TBC1D7: variants seen among roughly 807,000 people sequenced by gnomAD.
TBC1D7 encodes the protein TBC domain family 7.
TBC1D7 carries 33 observed loss-of-function variants against 35.3 expected under a neutral mutation model. The ratio of observed to expected loss-of-function variants is 0.93; its 90% CI spans 0.71 to 1.25. The LOEUF (loss-of-function observed/expected upper bound fraction) is 1.25, where lower values mean the gene tolerates loss of function less well. Among genes scored for constraint, TBC1D7 ranks in the 50% most tolerant of loss-of-function variants. The pLI is 0.00. For missense variants in TBC1D7, 362 were observed against 365.3 expected, an observed-to-expected ratio of 0.99 and a Z score of 0.07; for synonymous variants, 135 against 129.5, an observed-to-expected ratio of 1.04 and a Z score of -0.29.
chr6:13,325,125 C>T lies in TBC1D7; in HGVS notation c.162G>A (p.Met54Ile). The T allele has an allele frequency of 6.2e-7, 1 of 1,613,776 alleles. No individual in the cohort carries two copies. Among genetic ancestry groups the T allele is most frequent in the East Asian group, 2.2e-5 (1 of 44,870 alleles). ...TFSQRFPLPSMYRALVWKVLL... is the reference protein window; with the variant it reads ...TFSQRFPLPSIYRALVWKVLL... The stretch of plus-strand genomic sequence containing the variant: ...GCACCTTCCATACCAATGCACGGTA[C>T]ATGGACGGGAGAGGGAACCTCTGAC... Residue 54 changes from methionine to isoleucine, a missense_variant, in exon 3 of 8, where the codon ATG becomes ATA. By Grantham distance (10) the Met-to-Ile change is conservative. Transcript: ENST00000379300.
intron 3 of TBC1D7, among the ~76,000 whole-genome samples, chr6:13,322,200 G>A (rs931231513): frequency 7.9e-5 from 12 of 152,004 alleles, no homozygotes; most frequent in African/African-American, 2.9e-4. Context: ...GCCATAGTGA[G>A]CTGTGATCGT....
At chr6:13,307,405 AG>A (rs1782883607) in intron 6 of TBC1D7, 194 bp downstream of exon 6, 3 of 567,296 alleles carry the variant, frequency 5.3e-6, no homozygotes, top group Non-Finnish European at 9.3e-6. Flanking sequence ...TAACGCACTG[AG>A]GGCCCTTAAT....
In TBC1D7 at chr6:13,321,184, C is replaced by T. The variant is rs975797067; in HGVS notation, c.194-89G>A. On this transcript the variant is annotated intron_variant, in intron 3 of 7. Coordinates refer to ENST00000379300, the MANE Select transcript of TBC1D7 (RefSeq NM_016495.6). ...CTATGAAAGAGGATGCCGTGAGAAGCGACCCACACAATTAGGCTAGAATTC... is the reference window on the plus strand; with the variant it reads ...CTATGAAAGAGGATGCCGTGAGAAGTGACCCACACAATTAGGCTAGAATTC... 62 of 1,107,830 alleles carry T rather than the reference C, an allele frequency of 5.6e-5. No individual in the cohort carries two copies. The Admixed American group carries it at 1.3e-3, about 23-fold the overall frequency. 68.6% of individuals were successfully genotyped at this position (1,107,830 alleles called of 1,614,324 possible). A position where few individuals can be genotyped will look rare whatever the true frequency, so the allele number is the denominator to read the frequency against.
chr6:13,305,640 G>A (rs1229856217), intron 7 of TBC1D7: 1 of 166,966 alleles, frequency 6.0e-6, no homozygotes, highest in Admixed American at 5.7e-5. Flanking sequence ...TTTTTCAAAT[G>A]TTAATACTAT....
Position 13,321,082 on chromosome 6 carries a change from T to C in TBC1D7, c.207A>G (p.Pro69=). 1.2e-6 allele frequency: 2 copies of C among 1,612,664 alleles called. No homozygotes were observed. The highest frequency in any genetic ancestry group is 8.5e-7 in the Non-Finnish European group (1 of 1,179,078). Residue 69 remains proline (P), a synonymous_variant, in exon 4 of 8, where the codon CCA becomes CCG. Coordinates refer to ENST00000379300, the MANE Select transcript of TBC1D7 (RefSeq NM_016495.6). ...VWKVLLGILP[P]HHESHAKVMM... ...TCACCTTGGCATGGGACTCGTGGTGTGGAGGCAAGATTCCTAGAGAGAACA... is the reference window on the plus strand; with the variant it reads ...TCACCTTGGCATGGGACTCGTGGTGCGGAGGCAAGATTCCTAGAGAGAACA...
Position 13,305,150 on chromosome 6 carries a change from G to C in TBC1D7, c.833C>G (p.Ala278Gly), listed in dbSNP as rs150455776. 148 of 1,614,102 alleles carry C rather than the reference G, an allele frequency of 9.2e-5. 1 individual carries two copies. The East Asian group carries it at 3.0e-3, about 33-fold the overall frequency. The change falls in exon 8 of 8, where the codon GCC becomes GGC. Residue 278 changes from alanine to glycine, a missense_variant. Transcript: ENST00000379300. ...ACAGTGTTTGTGCCACAAGTCAATG[G>C]CCTTGCTCACGATCGCGTCTGAGCT... ...QDSSDAIVSK[A>G]IDLWHKHCGT...
chr6:13,312,789 CA>C (rs34194566), intron 5 of TBC1D7, among the ~76,000 whole-genome samples: 31,151 of 121,926 alleles, frequency 0.26, 4,223 homozygotes, highest in African/African-American at 0.42. Flanking sequence ...CACAAAAAAG[CA>C]AAAAAAAAAA....
Position 13,305,176 on chromosome 6 carries a change from G to C in TBC1D7, c.807C>G (p.Asp269Glu), listed in dbSNP as rs545035707. Residue 269 changes from aspartate (D) to glutamate (E), a missense_variant, in exon 8 of 8, where the codon GAC (aspartate) becomes GAG (glutamate). Transcript: ENST00000379300. ...CCTTGCTCACGATCGCGTCTGAGCTGTCCTGGGGAATCTGTGGGCAAGCAA... is the reference window on the plus strand; with the variant it reads ...CCTTGCTCACGATCGCGTCTGAGCTCTCCTGGGGAATCTGTGGGCAAGCAA... ...ITKFLENIPQDSSDAIVSKAI... is the reference protein window; with the variant it reads ...ITKFLENIPQESSDAIVSKAI... The C allele has an allele frequency of 6.2e-7, 1 of 1,614,188 alleles. No individual in the cohort carries two copies.
chr6:13,317,692 C>T (rs889511362), intron 4 of TBC1D7, among the ~76,000 whole-genome samples: 2 of 152,168 alleles, frequency 1.3e-5, no homozygotes, highest in African/African-American at 2.4e-5. Context: ...CTTGGACTCC[C>T]GTGCAGTTCT....
rs552156864 is a variant in TBC1D7 at position 13,314,161 on chromosome 6, C to T, written c.519+2410G>A. Reference sequence around the variant, plus strand: ...TGGAGCTTGCAGTGAGCCGAGATTGCGCCACTGCACTCCCGCCTTGGCGAC... The same window carrying T: ...TGGAGCTTGCAGTGAGCCGAGATTGTGCCACTGCACTCCCGCCTTGGCGAC... On this transcript the variant is annotated intron_variant, in intron 5 of 7. Coordinates refer to ENST00000379300, the MANE Select transcript of TBC1D7 (RefSeq NM_016495.6). 4.2e-4 allele frequency among the ~76,000 whole-genome samples: 64 copies of T among 150,704 alleles called. 1 individual carries two copies. The highest frequency in any genetic ancestry group is 1.3e-3 in the African/African-American group (55 of 40,952).
chr6:13,312,348 C>T (rs1056877133), intron 5 of TBC1D7, among the ~76,000 whole-genome samples: 5 of 151,908 alleles, frequency 3.3e-5, no homozygotes, highest in Admixed American at 1.3e-4. Flanking sequence ...AAGATAAATC[C>T]CTGACAAAGA....
Position 13,316,607 on chromosome 6 carries a change from T to C in TBC1D7, c.483A>G (p.Gln161=), listed in dbSNP as rs1783640171. The C allele has an allele frequency of 1.2e-6, 2 of 1,613,566 alleles. No individual in the cohort carries two copies. The highest frequency in any genetic ancestry group is 1.7e-6 in the Non-Finnish European group (2 of 1,179,976). ...CYWITRRFVN[Q]LNTKYRDSLP... is the part of the protein sequence containing the mutation. ...AGGAATCCCGGTACTTGGTATTTAATTGGTTCACAAAGCGTCGGGTGATCC... is the reference window on the plus strand; with the variant it reads ...AGGAATCCCGGTACTTGGTATTTAACTGGTTCACAAAGCGTCGGGTGATCC... Residue 161 remains glutamine (Q), a synonymous_variant, in exon 5 of 8, where the codon CAA becomes CAG. Transcript: ENST00000379300.
chr6:13,313,368 C>T (rs1783369715), intron 5 of TBC1D7, among the ~76,000 whole-genome samples: 1 of 152,194 alleles, frequency 6.6e-6, no homozygotes, highest in African/African-American at 2.4e-5. Context: ...GACATTGATA[C>T]TATCAAGTAT....
intron 4 of TBC1D7, chr6:13,319,800 C>G (rs1393895536): frequency 1.3e-5 from 2 of 152,110 alleles, no homozygotes; most frequent in African/African-American, 4.8e-5. Flanking sequence ...TGAGAATACT[C>G]ATGAGCAAAA....
intron 6 of TBC1D7, 87 bp downstream of exon 6, chr6:13,307,513 A>G: frequency 7.1e-7 from 1 of 1,413,324 alleles, no homozygotes; most frequent in Non-Finnish European, 9.8e-7. Flanking sequence ...TCTAAAGCAA[A>G]TTTATAATCT....
chr6:13,317,484 G>C (rs1314234301), intron 4 of TBC1D7, among the ~76,000 whole-genome samples: 1 of 152,148 alleles, frequency 6.6e-6, no homozygotes, highest in Non-Finnish European at 1.5e-5. Flanking sequence ...CCCTTAAAAA[G>C]TACCGACTTA....
At chr6:13,325,519 T>G (rs919253244) in intron 2 of TBC1D7, among the ~76,000 whole-genome samples, 5 of 152,108 alleles carry the variant, frequency 3.3e-5, no homozygotes, top group Non-Finnish European at 7.4e-5. Flanking sequence ...AAAAATTGGC[T>G]GGGTATGGTG....
chr6:13,319,000 T>A (rs1783833468), intron 4 of TBC1D7: 1 of 147,516 alleles, frequency 6.8e-6, no homozygotes, highest in South Asian at 2.1e-4. Context: ...ACCCAAGTGA[T>A]CAAAGTTAGC....
chr6:13,325,218 T>C, intron 2 of TBC1D7, 44 bp from the exon 3 acceptor site: 1 of 1,346,430 alleles, frequency 7.4e-7, no homozygotes, highest in Non-Finnish European at 1.1e-6. Flanking sequence ...TTCATGCTGA[T>C]CACAGTATGT....
Sources: gnomAD v4.1 joint callset for allele counts (sites outside exome capture counted in the v4.1 genomes callset) on GRCh38, gnomAD v4.1.1 for gene constraint, MANE v1.5 for transcripts, NCBI Gene and HGNC (gene_info 2026-07-23, HGNC 2026-07-21) for gene names.